PUS7: variants seen among roughly 807,000 people sequenced by gnomAD.
PUS7 encodes pseudouridylate synthase 7 homolog.
PUS7 carries 48 observed loss-of-function variants against 79.8 expected under a neutral mutation model. The ratio of observed to expected loss-of-function variants is 0.60; its 90% CI spans 0.48 to 0.76. The LOEUF (loss-of-function observed/expected upper bound fraction) is 0.76, where lower values mean the gene tolerates loss of function less well. Among genes scored for constraint, PUS7 ranks in the 30% least tolerant of loss-of-function variants. The probability of loss-of-function intolerance (pLI) is 0.00; values close to 1 mark genes in which losing one functional copy is unlikely to be tolerated. For synonymous variants in PUS7, 286 were observed against 272.2 expected (o/e 1.05, Z -0.50); for missense variants, 729 against 797.6 (o/e 0.91, Z 1.04).
chr7:105,514,687 G>C (rs1395815035), intron 1 of PUS7, among the ~76,000 whole-genome samples: 3 of 152,200 alleles, frequency 2.0e-5, no homozygotes, highest in Non-Finnish European at 4.4e-5. Context: ...AGCCTTGAGA[G>C]AGATGTGACT....
intron 9 of PUS7, among the ~76,000 whole-genome samples, chr7:105,473,225 G>C (rs543184017): frequency 1.6e-4 from 25 of 152,000 alleles, no homozygotes; most frequent in Admixed American, 9.2e-4. Context: ...CTACATATTT[G>C]ATGATTATAA....
chr7:105,489,811 A>T (rs1316022973), intron 7 of PUS7, among the ~76,000 whole-genome samples: 1 of 152,178 alleles, frequency 6.6e-6, no homozygotes, highest in Admixed American at 6.5e-5. Context: ...TTATAAAAAG[A>T]TGAGGAAATT....
rs922596028 is a variant in PUS7, at chr7:105,508,267, T to C, written c.246A>G (p.Glu82=). The C allele has an allele frequency of 6.2e-7, 1 of 1,614,176 alleles. No individual in the cohort carries two copies. The highest frequency in any genetic ancestry group is 8.5e-7 in the Non-Finnish European group (1 of 1,180,024). ...KNSEAQLEDE[E]EEEEDGLSEE... ...CTGAAAGTCCATCTTCCTCCTCTTC[T>C]TCCTCATCTTCCAACTGAGCCTCAG... The change falls in exon 2 of 16, where the codon GAA becomes GAG. Residue 82 remains glutamate (E), a synonymous_variant. Transcript: ENST00000469408.
intron 1 of PUS7, among the ~76,000 whole-genome samples, chr7:105,514,913 TC>T (rs1268794451): frequency 6.6e-6 from 1 of 151,580 alleles, no homozygotes; most frequent in African/African-American, 2.4e-5. Context: ...TGCCTCAGCC[TC>T]CTCCCGAGTA....
rs1172322541 is a variant in PUS7, at chr7:105,484,855, ATTTT to A, written c.921-2419_921-2416del. The stretch of plus-strand genomic sequence containing the variant: ...ATACTTAGGATGTCACCAGTCAGAG[ATTTT>A]TTTTTTTTTTTTTTTTTTTAAGACG... On this transcript the variant is annotated intron_variant, in intron 7 of 15. Coordinates refer to ENST00000469408, the MANE Select transcript of PUS7 (RefSeq NM_019042.5). 4.3e-5 allele frequency among the ~76,000 whole-genome samples: 5 copies of A among 116,850 alleles called. No homozygotes were observed. The South Asian group carries it at 8.8e-4, about 20-fold the overall frequency. 76.7% of individuals were successfully genotyped at this position (116,850 alleles called of 152,430 possible). A position where few individuals can be genotyped will look rare whatever the true frequency, so the allele number is the denominator to read the frequency against.
intron 1 of PUS7, among the ~76,000 whole-genome samples, chr7:105,515,202 C>T (rs1265513420): frequency 2.0e-5 from 3 of 152,160 alleles, no homozygotes; most frequent in African/African-American, 7.2e-5. Flanking sequence ...ACTATTACAC[C>T]TTCCCCAATG....
chr7:105,471,633 C>T lies in PUS7; in HGVS notation c.1237+499G>A, dbSNP rs114331895. 7.7e-3 allele frequency among the ~76,000 whole-genome samples: 1,178 copies of T among 152,284 alleles called. 9 individuals are homozygous for T. The highest frequency in any genetic ancestry group is 0.02 in the Middle Eastern group (6 of 294). On this transcript the variant is annotated intron_variant, in intron 10 of 15. Transcript: ENST00000469408. The stretch of plus-strand genomic sequence containing the variant: ...TCGAGACCAGCCAGCAACATTCTGG[C>T]TGAGCATGGTGGCTCATGCCTGTAA...
chr7:105,484,402 C>T (rs1824455925), intron 7 of PUS7, among the ~76,000 whole-genome samples: 1 of 151,840 alleles, frequency 6.6e-6, no homozygotes, highest in African/African-American at 2.4e-5. Context: ...ATAGCTTGAG[C>T]CCAGGAGTTC....
At chr7:105,505,298 C>T (rs761115993) in intron 4 of PUS7, among the ~76,000 whole-genome samples, 9 of 152,118 alleles carry the variant, frequency 5.9e-5, no homozygotes, top group Non-Finnish European at 1.0e-4. Context: ...CCACCGTGCC[C>T]GGCGAACAAA....
At chr7:105,501,410 C>T (rs1253693835) in intron 5 of PUS7, among the ~76,000 whole-genome samples, 3 of 151,856 alleles carry the variant, frequency 2.0e-5, no homozygotes, top group Non-Finnish European at 4.4e-5. Context: ...AAAAAAATTA[C>T]CTAATTTTCC....
intron 6 of PUS7, 116 bp from the exon 7 acceptor site, chr7:105,491,733 AG>A: frequency 1.6e-6 from 1 of 637,600 alleles, no homozygotes; most frequent in Non-Finnish European, 2.7e-6. Context: ...ACACAGTAAG[AG>A]AAGAATGAGG....
chr7:105,474,257 T>C (rs1207929278), intron 9 of PUS7, among the ~76,000 whole-genome samples: 1 of 152,214 alleles, frequency 6.6e-6, no homozygotes, highest in African/African-American at 2.4e-5. Context: ...ACCTGGATTT[T>C]CAATCCAATA....
At chr7:105,484,345 T>C (rs772932502) in intron 7 of PUS7, among the ~76,000 whole-genome samples, 1 of 152,110 alleles carries the variant, frequency 6.6e-6, no homozygotes, top group Admixed American at 6.6e-5. Context: ...CCAGGCACAG[T>C]GGTTTACGCC....
intron 9 of PUS7, 111 bp from the exon 10 acceptor site, chr7:105,472,304 CCTCCCAGGCTCTA>C (rs1244007579): frequency 1.1e-5 from 7 of 639,352 alleles, no homozygotes; most frequent in East Asian, 3.0e-5. Flanking sequence ...GAAGCCTTGA[CCTCCCAGGCTCTA>C]CTCCCAGGCT....
intron 12 of PUS7, among the ~76,000 whole-genome samples, chr7:105,467,034 GTT>G (rs56177512): frequency 0.077 from 5,424 of 70,618 alleles, 177 homozygotes; most frequent in African/African-American, 0.1. Flanking sequence ...AGTTTTTTCT[GTT>G]TTTTTTTTTT....
intron 2 of PUS7, 144 bp downstream of exon 2, chr7:105,507,971 G>A (rs890133813): frequency 1.2e-5 from 13 of 1,099,820 alleles, no homozygotes; most frequent in Non-Finnish European, 1.6e-5. Flanking sequence ...TATTCAGGCA[G>A]GTTTCCTTCA....
At chr7:105,465,163 C>T (rs1823587462) in intron 13 of PUS7, 150 bp downstream of exon 13, 1 of 507,852 alleles carries the variant, frequency 2.0e-6, no homozygotes. Context: ...ATTTTAGATT[C>T]AGAGGTAGAG....
intron 4 of PUS7, among the ~76,000 whole-genome samples, chr7:105,504,663 G>A (rs1825385394): frequency 2.0e-5 from 3 of 152,144 alleles, no homozygotes; most frequent in Admixed American, 2.0e-4. Flanking sequence ...TTTACCACAT[G>A]TATACGAAAA....
intron 9 of PUS7, among the ~76,000 whole-genome samples, chr7:105,475,575 G>A (rs984623287): frequency 4.6e-5 from 7 of 152,048 alleles, no homozygotes; most frequent in African/African-American, 1.4e-4. Context: ...GCCTGCCTTG[G>A]CTTCCCAAAG....
Sources: allele counts gnomAD v4.1 joint callset (sites outside exome capture counted in the v4.1 genomes callset), GRCh38; gene constraint gnomAD v4.1.1; transcripts MANE v1.5; gene names NCBI Gene and HGNC (gene_info 2026-07-23, HGNC 2026-07-21).